The following CSF2RA variants were observed in gnomAD, a reference collection of about 807,000 sequenced individuals.
The protein encoded by CSF2RA is colony stimulating factor 2 receptor subunit alpha.
In CSF2RA, 42 loss-of-function variants were observed where a neutral mutation model predicts 51.6. The ratio of observed to expected loss-of-function variants is 0.81; its 90% CI spans 0.64 to 1.05. The LOEUF is 1.05. CSF2RA is among the 50% of genes least tolerant of loss of function. CSF2RA has a pLI of 0.00. For synonymous variants in CSF2RA, 222 were observed against 193.0 expected, an observed-to-expected ratio of 1.15 and a Z score of -1.24; for missense variants, 530 against 501.1, an observed-to-expected ratio of 1.06 and a Z score of -0.55.
intron 12 of CSF2RA, among the ~76,000 whole-genome samples, chrX:1,307,819 G>A (rs28624539): frequency 0.87 from 78,664 of 90,014 alleles, 36,303 homozygotes; most frequent in Non-Finnish European, 0.94. Flanking sequence ...GATTAGATGA[G>A]GCCTACCCTT....
intron 7 of CSF2RA, among the ~76,000 whole-genome samples, chrX:1,290,873 A>G (rs2091333131): frequency 6.6e-6 from 1 of 151,958 alleles, no homozygotes; most frequent in African/African-American, 2.4e-5. Context: ...AAACAAACAA[A>G]CAAAAATCTG....
the CSF2RA span, among the ~76,000 whole-genome samples, chrX:1,321,090 C>T: frequency 2.3e-3 from 349 of 151,790 alleles, 1 homozygote; most frequent in South Asian, 5.4e-3. Context: ...GTGACCCACC[C>T]TCCTCGGCCT....
chrX:1,284,600 ATT>A (rs756926364), intron 3 of CSF2RA, among the ~76,000 whole-genome samples: 5 of 103,132 alleles, frequency 4.8e-5, no homozygotes, highest in African/African-American at 1.9e-4. Flanking sequence ...GCTAATTTAA[ATT>A]TTTTTTTTTT....
intron 7 of CSF2RA, 27 bp downstream of exon 7, chrX:1,290,536 A>G (rs1463437579): frequency 5.0e-6 from 8 of 1,607,296 alleles, no homozygotes; most frequent in South Asian, 1.1e-5. Context: ...TGATTTTCCT[A>G]TTGTTTATAG....
At chrX:1,301,498 C>G (rs764966666) in intron 10 of CSF2RA, among the ~76,000 whole-genome samples, 2 of 152,026 alleles carry the variant, frequency 1.3e-5, no homozygotes, top group Admixed American at 1.3e-4. Context: ...TCCCACCTCC[C>G]TCTGCTCCAC....
At chrX:1,281,763 A>G (rs112263774) in intron 2 of CSF2RA, 33,024 of 149,552 alleles carry the variant, frequency 0.22, 4,511 homozygotes, top group East Asian at 0.53. Context: ...CTCAAAGTGG[A>G]TTCTTTCCCT....
intron 9 of CSF2RA, 70 bp downstream of exon 9, chrX:1,295,526 G>C: frequency 7.9e-7 from 1 of 1,262,402 alleles, no homozygotes; most frequent in South Asian, 1.4e-5. Flanking sequence ...ACCACACCTA[G>C]TGTAACTCTA....
downstream of CSF2RA, among the ~76,000 whole-genome samples, chrX:1,310,584 C>T (rs1289317226): frequency 2.0e-5 from 3 of 150,152 alleles, no homozygotes; most frequent in East Asian, 2.0e-4. Context: ...AGGAGAATGG[C>T]GTGAACCCGG....
chrX:1,321,934 G>A, the CSF2RA span, among the ~76,000 whole-genome samples: 1 of 151,888 alleles, frequency 6.6e-6, no homozygotes, highest in African/African-American at 2.4e-5. Flanking sequence ...TCGGGAGTTC[G>A]AGACCAGCCT....
intron 7 of CSF2RA, among the ~76,000 whole-genome samples, chrX:1,293,186 C>T (rs1296259776): frequency 6.0e-5 from 9 of 150,966 alleles, no homozygotes; most frequent in Admixed American, 4.7e-4. Flanking sequence ...TCTACATAGA[C>T]ACAGTAACAG....
intron 6 of CSF2RA, 79 bp from the exon 7 acceptor site, chrX:1,290,258 T>C (rs1285883058): frequency 1.7e-6 from 2 of 1,190,076 alleles, no homozygotes; most frequent in East Asian, 4.7e-5. Context: ...TTGTTTTGTG[T>C]TTGTTTTTGT....
chrX:1,311,118 G>T (rs1421855650), downstream of CSF2RA, among the ~76,000 whole-genome samples: 1 of 151,646 alleles, frequency 6.6e-6, no homozygotes, highest in Non-Finnish European at 1.5e-5. Context: ...GTGTGGTGGC[G>T]GCCACCTGTA....
In CSF2RA at chrX:1,300,618, T is replaced by A. The variant is rs373932512; in HGVS notation, c.938T>A (p.Ile313Asn). 6.8e-6 allele frequency: 11 copies of A among 1,613,674 alleles called. No individual in the cohort carries two copies. The highest frequency in any genetic ancestry group is 1.6e-4 in the Middle Eastern group (1 of 6,078). Reference protein sequence around the residue: ...ILNWSSWSEAIEFGSDDGNLG... With the variant: ...ILNWSSWSEANEFGSDDGNLG... ...AATTGGAGCTCCTGGAGTGAAGCCATTGAATTTGGTAAGCGTTGGGCGGAG... is the reference window on the plus strand; with the variant it reads ...AATTGGAGCTCCTGGAGTGAAGCCAATGAATTTGGTAAGCGTTGGGCGGAG... The change falls in exon 10 of 13, where the codon ATT becomes AAT. Residue 313 changes from isoleucine (I) to asparagine (N), a missense_variant. Coordinates refer to ENST00000381529, the MANE Select transcript of CSF2RA (RefSeq NM_172245.4).
intron 2 of CSF2RA, among the ~76,000 whole-genome samples, chrX:1,281,056 T>TCTCCTTCTC (rs2089952272): frequency 2.0e-4 from 2 of 9,860 alleles, no homozygotes; most frequent in African/African-American, 6.2e-4. Flanking sequence ...CTGCTCCCCT[T>TCTCCTTCTC]CTCCTCCTCC....
chrX:1,307,830 CT>C lies in CSF2RA; in HGVS notation c.1126-1571del, dbSNP rs1303462316. Among the ~76,000 whole-genome samples the C allele has an allele frequency of 1.7e-3, 54 of 32,306 alleles. 22 individuals carry two copies. Among genetic ancestry groups the C allele is most frequent in the South Asian group, 2.6e-3 (3 of 1,160 alleles). 21.2% of individuals were successfully genotyped at this position (32,306 alleles called of 152,430 possible). A position where few individuals can be genotyped will look rare whatever the true frequency, so the allele number is the denominator to read the frequency against. ...GACTGATTAGATGAGGCCTACCCTT[CT>C]CCCTTTAGACCTTTGACTGATTAGA... On this transcript the variant is annotated intron_variant, in intron 12 of 12. Coordinates refer to ENST00000381529, the MANE Select transcript of CSF2RA (RefSeq NM_172245.4).
rs1458574809 is a variant in CSF2RA at position 1,294,647 on chromosome X, C to A, written c.780+186C>A. Among the ~76,000 whole-genome samples, 4 of 152,206 alleles carry A rather than the reference C, an allele frequency of 2.6e-5. No individual in the cohort carries two copies. The East Asian group carries it at 5.8e-4, about 22-fold the overall frequency. ...GAAGGGTCTGTGGCCTGTGGAGCCA[C>A]CTTGAAAGAGGTTGCAGGGAGGGTG... On this transcript the variant is annotated intron_variant, in intron 8 of 12. Transcript: ENST00000381529.
chrX:1,275,088 C>CAAA lies in CSF2RA; in HGVS notation c.-27+285_-27+287dup, dbSNP rs59502193. The stretch of plus-strand genomic sequence containing the variant: ...AGGCAGAAGAGACGCATGAACCTGT[C>CAAA]AAAAAAAAAAAAAAAAAGAGCCGGC... On this transcript the variant is annotated intron_variant, in intron 2 of 12. Coordinates refer to ENST00000381529, the MANE Select transcript of CSF2RA (RefSeq NM_172245.4). 2.4e-3 allele frequency among the ~76,000 whole-genome samples: 280 copies of CAAA among 118,386 alleles called. 4 individuals are homozygous for CAAA. The highest frequency in any genetic ancestry group is 0.019 in the Middle Eastern group (4 of 214). The allele number at this position is 118,386 out of a possible 152,430, so 77.7% of individuals were successfully genotyped here.
At chrX:1,314,103 G>A (rs1259518500), downstream of CSF2RA, among the ~76,000 whole-genome samples, 2 of 152,130 alleles carry the variant, frequency 1.3e-5, no homozygotes, top group African/African-American at 2.4e-5. Flanking sequence ...AGGCTGTGGC[G>A]ATCAGCCCCT....
In CSF2RA at chrX:1,288,274, G is replaced by C. The variant is rs112156876; in HGVS notation, c.220-245G>C. Among the ~76,000 whole-genome samples the C allele has an allele frequency of 0.17, 21,658 of 130,180 alleles. 901 individuals carry two copies. Among genetic ancestry groups the C allele is most frequent in the Non-Finnish European group, 0.22 (12,269 of 57,056 alleles). 85.4% of individuals were successfully genotyped at this position (130,180 alleles called of 152,430 possible). ...AGGCGGGTGGATCACCTGAGGTCAGGAGTTTGAGACCAGCCTGGCCAACAT... is the reference window on the plus strand; with the variant it reads ...AGGCGGGTGGATCACCTGAGGTCAGCAGTTTGAGACCAGCCTGGCCAACAT... On this transcript the variant is annotated intron_variant, in intron 4 of 12. Coordinates refer to ENST00000381529, the MANE Select transcript of CSF2RA (RefSeq NM_172245.4).
Sources: gnomAD v4.1 joint callset for allele counts (sites outside exome capture counted in the v4.1 genomes callset) on GRCh38, gnomAD v4.1.1 for gene constraint, MANE v1.5 for transcripts, NCBI Gene and HGNC (gene_info 2026-07-23, HGNC 2026-07-21) for gene names.